SVIL: variants seen among roughly 807,000 people sequenced by gnomAD.
SVIL encodes the protein archvillin.
SVIL carries 101 observed loss-of-function variants against 240.4 expected under a neutral mutation model. The ratio of observed to expected loss-of-function variants is 0.42; its 90% CI spans 0.36 to 0.50. The LOEUF (loss-of-function observed/expected upper bound fraction) is 0.50. Ranked by LOEUF, SVIL falls within the 20% of genes least tolerant of loss-of-function variation. The pLI is 0.01. For missense variants in SVIL, 2,512 were observed against 2,818.7 expected, an observed-to-expected ratio of 0.89 and a Z score of 2.46; for synonymous variants, 999 against 1,100.0, an observed-to-expected ratio of 0.91 and a Z score of 1.82.
intron 1 of SVIL, among the ~76,000 whole-genome samples, chr10:29,609,274 G>A (rs1247431): frequency 0.084 from 12,857 of 152,258 alleles, 721 homozygotes; most frequent in Admixed American, 0.14. Flanking sequence ...ACATGCTCCT[G>A]GGCTATGGGA....
At chr10:29,542,593 A>G (rs2132608752) in intron 6 of SVIL, among the ~76,000 whole-genome samples, 1 of 152,206 alleles carries the variant, frequency 6.6e-6, no homozygotes, top group South Asian at 2.1e-4. Context: ...AGATGTTTTG[A>G]TACAGGCATG....
intron 1 of SVIL, among the ~76,000 whole-genome samples, chr10:29,608,724 G>A (rs896507318): frequency 1.6e-4 from 24 of 152,242 alleles, no homozygotes; most frequent in Admixed American, 3.3e-4. Flanking sequence ...GCAGCTGAGC[G>A]TGGGCATGTG....
Position 29,532,670 on chromosome 10 carries a change from G to T in SVIL, c.1697C>A (p.Ala566Asp). Residue 566 changes from alanine (A) to aspartate (D), a missense_variant, in exon 8 of 38, where the codon GCT (alanine) becomes GAT (aspartate). Transcript: ENST00000355867. ...GGGCAGCTCCAGCTCTCTCCTGGAA[G>T]CTGGGTCCTTATACTTCAAGGCCTG... ...QLQALKYKDPASRRELELPSS... is the reference protein window; with the variant it reads ...QLQALKYKDPDSRRELELPSS... 1 of 1,614,202 alleles carries T rather than the reference G, an allele frequency of 6.2e-7. No individual in the cohort carries two copies. Among genetic ancestry groups the T allele is most frequent in the South Asian group, 1.1e-5 (1 of 91,088 alleles).
Position 29,458,400 on chromosome 10 carries a change from C to G in SVIL, c.6558+34G>C, listed in dbSNP as rs556527694. 156 of 1,603,824 alleles carry G rather than the reference C, an allele frequency of 9.7e-5. 1 individual carries two copies. In the South Asian group the frequency reaches 1.6e-3, roughly 16 times the overall value. On this transcript the variant is annotated intron_variant, in intron 37 of 37. Transcript: ENST00000355867. ...AGCCGGGCGTGCGTGTGTTGTTTTA[C>G]TCCCATCCCCACCCCACCGGAAGAA...
chr10:29,731,664 T>TA (rs1025713593), intron 1 of SVIL, among the ~76,000 whole-genome samples: 1 of 150,464 alleles, frequency 6.6e-6, no homozygotes, highest in Non-Finnish European at 1.5e-5. Flanking sequence ...TTATTTGGAT[T>TA]AAAAAAAAAT....
chr10:29,512,974 T>C, intron 16 of SVIL, 113 bp from the exon 17 acceptor site: 1 of 1,408,566 alleles, frequency 7.1e-7, no homozygotes, highest in Non-Finnish European at 9.5e-7. Flanking sequence ...CACAGCCGCC[T>C]CGTTTTAACA....
chr10:29,517,686 T>C (rs931701149), intron 16 of SVIL, among the ~76,000 whole-genome samples: 2 of 152,180 alleles, frequency 1.3e-5, no homozygotes, highest in South Asian at 2.1e-4. Context: ...CAGAACACCA[T>C]AGAGGCGTGA....
chr10:29,695,572 C>T (rs1961865085), intron 1 of SVIL, among the ~76,000 whole-genome samples: 1 of 151,920 alleles, frequency 6.6e-6, no homozygotes. Flanking sequence ...ATGGTGAAAC[C>T]CGTCTCTACT....
intron 6 of SVIL, among the ~76,000 whole-genome samples, chr10:29,546,447 T>C (rs1052247293): frequency 3.3e-5 from 5 of 152,212 alleles, no homozygotes; most frequent in African/African-American, 1.2e-4. Flanking sequence ...TCCTGTAATA[T>C]CAACTAATCA....
rs34280398 is a variant in SVIL at position 29,498,088 on chromosome 10, C to CAAAA, written c.3664+1024_3664+1027dup. On this transcript the variant is annotated intron_variant, in intron 18 of 37. Coordinates refer to ENST00000355867, the MANE Select transcript of SVIL (RefSeq NM_021738.3). ...CAGAGCGAGATTCTGTCCCCTCCAC[C>CAAAA]AAAAAAAAAAAAAAAAAAAAAAAAA... Among the ~76,000 whole-genome samples, 115 of 37,440 alleles carry CAAAA rather than the reference C, an allele frequency of 3.1e-3. 3 individuals carry two copies. The highest frequency in any genetic ancestry group is 5.9e-3 in the Admixed American group (12 of 2,026). 24.6% of individuals were successfully genotyped at this position (37,440 alleles called of 152,430 possible). A position where few individuals can be genotyped will look rare whatever the true frequency, so the allele number is the denominator to read the frequency against.
chr10:29,470,493 G>C lies in SVIL; in HGVS notation c.5636-10C>G. On this transcript the variant is annotated splice_polypyrimidine_tract_variant and intron_variant, in intron 31 of 37. Transcript: ENST00000355867. ...TACAGCCGCCACTCACCTGCAGGGG[G>C]CACCGGCGGCGCGGAGGAGTTAGCA... 1.2e-5 allele frequency: 20 copies of C among 1,613,878 alleles called. No individual in the cohort carries two copies. The highest frequency in any genetic ancestry group is 1.5e-5 in the Non-Finnish European group (18 of 1,180,006).
At chr10:29,487,023 A>C in intron 24 of SVIL, 140 bp downstream of exon 24, 1 of 1,079,352 alleles carries the variant, frequency 9.3e-7, no homozygotes, top group African/African-American at 1.6e-5. Context: ...GACATTCAGG[A>C]AAAGAAATCC....
chr10:29,551,324 C>A, intron 5 of SVIL, 61 bp from the exon 6 acceptor site: 3 of 1,456,450 alleles, frequency 2.1e-6, no homozygotes, highest in Non-Finnish European at 2.8e-6. Context: ...TATTTACACA[C>A]AGAATGACAC....
chr10:29,667,798 G>A (rs1959437182), intron 2 of SVIL, among the ~76,000 whole-genome samples: 1 of 151,666 alleles, frequency 6.6e-6, no homozygotes, highest in South Asian at 2.1e-4. Context: ...AAAGATGCAG[G>A]GAACCATGCC....
At chr10:29,644,669 T>A (rs1482231720) in intron 3 of SVIL, among the ~76,000 whole-genome samples, 2 of 151,888 alleles carry the variant, frequency 1.3e-5, no homozygotes, top group Non-Finnish European at 2.9e-5. Flanking sequence ...AGATTCCACC[T>A]GAAAGAAAGA....
In SVIL at chr10:29,468,163, C is replaced by T. The variant is rs1017223578; in HGVS notation, c.5844-288G>A. ...TTAGTCCTCAGAATCCACTAATCTA[C>T]TCCTGTATTTATGGACTTGCCTGTT... On this transcript the variant is annotated intron_variant, in intron 32 of 37. Transcript: ENST00000355867. Among the ~76,000 whole-genome samples the T allele has an allele frequency of 2.0e-5, 3 of 152,194 alleles. 1 individual carries two copies. The highest frequency in any genetic ancestry group is 4.1e-4 in the South Asian group (2 of 4,832).
chr10:29,484,665 A>T lies in SVIL; in HGVS notation c.4946T>A (p.Leu1649His), dbSNP rs1554817138. 2.5e-6 allele frequency: 4 copies of T among 1,612,030 alleles called. No individual in the cohort carries two copies. Among genetic ancestry groups the T allele is most frequent in the Non-Finnish European group, 2.5e-6 (3 of 1,179,100 alleles). ...GCGGCGGCAGGAGTACCTGGGGATA[A>T]GCGGATTGCATTCTCCAGGATCCAG... ...NPLDPGECNP[L>H]IPRKGQGRPD... is the part of the protein sequence containing the mutation. Residue 1649 changes from leucine (L) to histidine (H), a missense_variant, in exon 27 of 38, where the codon CTT (leucine) becomes CAT (histidine). Physicochemically the swap from Leu to His is moderately conservative, Grantham distance 99. Around this residue, in one of 3 missense-constraint regions of SVIL, gnomAD observed 797 missense variants for 925.3 expected, o/e 0.86. Coordinates refer to ENST00000355867, the MANE Select transcript of SVIL (RefSeq NM_021738.3). This position sits in a 1 kb window ranked among gnomAD's most constrained non-coding sequence, Gnocchi z 4.7.
intron 3 of SVIL, among the ~76,000 whole-genome samples, chr10:29,652,663 A>G (rs544341195): frequency 6.6e-6 from 1 of 152,320 alleles, no homozygotes; most frequent in South Asian, 2.1e-4. Flanking sequence ...CTGTTTTCCA[A>G]AACAGTTGCT....
At position 29,514,430 on chromosome 10, in the gene SVIL, C is replaced by T. The variant is rs1377359461; in HGVS notation, c.3390-1569G>A. ...TTTTAAAATTTTTATTTTGTAGAGA[C>T]GAGGTCTTGCTATGCTGCTCAGGCT... is the stretch of plus-strand genomic sequence containing the variant. On this transcript the variant is annotated intron_variant, in intron 16 of 37. Coordinates refer to ENST00000355867, the MANE Select transcript of SVIL (RefSeq NM_021738.3). Among the ~76,000 whole-genome samples, 5 of 152,150 alleles carry T rather than the reference C, an allele frequency of 3.3e-5. No individual in the cohort carries two copies. In the South Asian group the frequency reaches 6.2e-4, roughly 19 times the overall value.
Sources: allele counts gnomAD v4.1 joint callset (sites outside exome capture counted in the v4.1 genomes callset), GRCh38; gene constraint gnomAD v4.1.1; regional missense constraint gnomAD v4.1.1; non-coding constraint Gnocchi (gnomAD v3.1); transcripts MANE v1.5; gene names NCBI Gene and HGNC (gene_info 2026-07-23, HGNC 2026-07-21).